EYS: variants seen among roughly 807,000 people sequenced by gnomAD.
EYS encodes the protein EGF-like photoreceptor maintenance factor.
EYS carries 250 observed loss-of-function variants against 282.1 expected under a neutral mutation model. The observed-to-expected ratio is 0.89, with a 90% CI of 0.80 to 0.98. The LOEUF is 0.98. Among genes scored for constraint, EYS ranks in the 50% least tolerant of loss-of-function variants. The pLI is 0.00. For synonymous variants in EYS, 1,355 were observed against 1,282.9 expected (o/e 1.06, Z -1.20); for missense variants, 4,016 against 3,709.0 (o/e 1.08, Z -2.15).
chr6:64,375,084 T>C (rs983973834), intron 29 of EYS, among the ~76,000 whole-genome samples: 2 of 152,168 alleles, frequency 1.3e-5, no homozygotes, highest in African/African-American at 2.4e-5. Flanking sequence ...TAAATAAATA[T>C]CTTAGTCAGA....
intron 19 of EYS, among the ~76,000 whole-genome samples, chr6:64,853,226 A>G (rs974460796): frequency 1.8e-4 from 27 of 152,170 alleles, no homozygotes; most frequent in South Asian, 2.1e-4. Flanking sequence ...GGGAGAGAAG[A>G]AAGAGAAGTA....
chr6:65,602,095 T>C (rs1411192795), intron 2 of EYS, among the ~76,000 whole-genome samples: 1 of 151,908 alleles, frequency 6.6e-6, no homozygotes, highest in African/African-American at 2.4e-5. Context: ...GAATGGATAT[T>C]TTTAAGGATA....
chr6:64,411,405 T>C (rs1173380681), intron 28 of EYS, among the ~76,000 whole-genome samples: 1 of 152,006 alleles, frequency 6.6e-6, no homozygotes, highest in Non-Finnish European at 1.5e-5. Flanking sequence ...AACCAATGAC[T>C]CAGAAGTAAG....
intron 35 of EYS, among the ~76,000 whole-genome samples, chr6:63,933,534 T>A (rs1764961238): frequency 6.6e-6 from 1 of 152,130 alleles, no homozygotes; most frequent in South Asian, 2.1e-4. Context: ...GTGGCTTCAT[T>A]ATGTAGGCAT....
chr6:64,245,365 G>T (rs115974050), intron 30 of EYS, among the ~76,000 whole-genome samples: 2 of 151,916 alleles, frequency 1.3e-5, no homozygotes, highest in Non-Finnish European at 2.9e-5. Flanking sequence ...TAGTTGCCTA[G>T]GTGGCAGTGC....
At chr6:65,083,449 T>TAA (rs1352433826) in intron 12 of EYS, among the ~76,000 whole-genome samples, 1 of 152,060 alleles carries the variant, frequency 6.6e-6, no homozygotes, top group Non-Finnish European at 1.5e-5. Context: ...GAAGTTGTGA[T>TAA]ACATTTAGAA....
At chr6:65,387,427 A>G (rs1170456909) in intron 7 of EYS, among the ~76,000 whole-genome samples, 1 of 151,924 alleles carries the variant, frequency 6.6e-6, no homozygotes, top group East Asian at 1.9e-4. Context: ...ACTACATTTT[A>G]AATAGGTTTC....
intron 2 of EYS, among the ~76,000 whole-genome samples, chr6:65,516,782 A>G (rs2127295169): frequency 6.6e-6 from 1 of 152,180 alleles, no homozygotes; most frequent in South Asian, 2.1e-4. Flanking sequence ...ATTCTCTAAA[A>G]ATTATCCTCA....
At chr6:65,223,376 C>CAACAAG (rs1306462324) in intron 12 of EYS, among the ~76,000 whole-genome samples, 10 of 152,062 alleles carry the variant, frequency 6.6e-5, no homozygotes, top group African/African-American at 2.4e-4. Context: ...CCAATAACAA[C>CAACAAG]AACAAGAACA....
chr6:65,182,593 A>T (rs1033943434), intron 12 of EYS, among the ~76,000 whole-genome samples: 7 of 151,858 alleles, frequency 4.6e-5, no homozygotes, highest in Non-Finnish European at 8.8e-5. Context: ...TATTATTAAA[A>T]CACACACTCA....
intron 5 of EYS, among the ~76,000 whole-genome samples, chr6:65,444,347 C>T (rs892565237): frequency 6.6e-6 from 1 of 152,028 alleles, no homozygotes; most frequent in Non-Finnish European, 1.5e-5. Context: ...CAGGATGGGA[C>T]TCAAAGTCTT....
chr6:64,036,842 G>A (rs990755686), intron 33 of EYS, among the ~76,000 whole-genome samples: 7 of 152,164 alleles, frequency 4.6e-5, no homozygotes, highest in African/African-American at 1.7e-4. Context: ...CTTGGCTTAA[G>A]TAACTTGCTC....
At chr6:64,479,619 T>G (rs1248518856) in intron 26 of EYS, among the ~76,000 whole-genome samples, 1 of 151,924 alleles carries the variant, frequency 6.6e-6, no homozygotes, top group Non-Finnish European at 1.5e-5. Flanking sequence ...AAGTTTAACC[T>G]TGCCTTAGTC....
intron 26 of EYS, among the ~76,000 whole-genome samples, chr6:64,560,138 T>C (rs992802445): frequency 2.0e-5 from 3 of 152,130 alleles, no homozygotes; most frequent in African/African-American, 7.2e-5. Context: ...ATATTTTTCA[T>C]CATTTTTATA....
At chr6:64,608,003 A>G (rs546742387) in intron 24 of EYS, among the ~76,000 whole-genome samples, 21 of 152,276 alleles carry the variant, frequency 1.4e-4, no homozygotes, top group African/African-American at 4.6e-4. Flanking sequence ...GGCTTCCTTC[A>G]TAAATAATAA....
intron 26 of EYS, among the ~76,000 whole-genome samples, chr6:64,446,488 C>T (rs1160222484): frequency 6.6e-6 from 1 of 152,056 alleles, no homozygotes; most frequent in Non-Finnish European, 1.5e-5. Context: ...TCCAACACCA[C>T]ATATTACTTT....
chr6:64,590,847 T>C lies in EYS; in HGVS notation c.5020A>G (p.Ile1674Val). The C allele has an allele frequency of 2.6e-6, 4 of 1,550,714 alleles. No individual in the cohort carries two copies. Among genetic ancestry groups the C allele is most frequent in the Middle Eastern group, 1.7e-4 (1 of 5,974 alleles). Residue 1674 changes from isoleucine (I) to valine (V), a missense_variant, in exon 26 of 43, where the codon ATC (isoleucine) becomes GTC (valine). Coordinates refer to ENST00000503581, the MANE Select transcript of EYS (RefSeq NM_001142800.2). Reference protein sequence around the residue: ...TCLSIVPSQTISSDLMNSDLT... With the variant: ...TCLSIVPSQTVSSDLMNSDLT... ...TCAGAATTCATCAAGTCTGAAGAGA[T>C]AGTTTGTGAAGGGACAATGGATAAA... is the stretch of plus-strand genomic sequence containing the variant.
At chr6:65,576,764 G>C (rs1177720696) in intron 2 of EYS, among the ~76,000 whole-genome samples, 1 of 151,680 alleles carries the variant, frequency 6.6e-6, no homozygotes. Flanking sequence ...ATTGATTAGT[G>C]TTTCCATGCA....
chr6:65,329,376 T>C, intron 11 of EYS: 1 of 886,226 alleles, frequency 1.1e-6, no homozygotes, highest in Non-Finnish European at 1.4e-6. Context: ...AAATGAATGA[T>C]TTCTATATCA....
Sources: allele counts gnomAD v4.1 joint callset (sites outside exome capture counted in the v4.1 genomes callset), GRCh38; gene constraint gnomAD v4.1.1; transcripts MANE v1.5; gene names NCBI Gene and HGNC (gene_info 2026-07-23, HGNC 2026-07-21).